Variants in TRPM1 observed in about 807,000 individuals in gnomAD.
TRPM1 encodes transient receptor potential cation channel subfamily M member 1.
Under a neutral mutation model 149.4 loss-of-function variants are expected in TRPM1, and 113 were observed. The ratio of observed to expected loss-of-function variants is 0.76; its 90% CI spans 0.65 to 0.88. The LOEUF (loss-of-function observed/expected upper bound fraction) is 0.88. Ranked by LOEUF, TRPM1 falls within the 40% of genes least tolerant of loss-of-function variation. The probability of loss-of-function intolerance (pLI) is 0.00; values close to 1 mark genes in which losing one functional copy is unlikely to be tolerated. For missense variants in TRPM1, 1,976 were observed against 2,038.7 expected (o/e 0.97, Z 0.59); for synonymous variants, 741 against 759.5 (o/e 0.98, Z 0.40).
intron 1 of TRPM1, among the ~76,000 whole-genome samples, chr15:31,151,206 C>T (rs986453365): frequency 6.6e-6 from 1 of 152,140 alleles, no homozygotes; most frequent in African/African-American, 2.4e-5. Context: ...TGAGAGACTG[C>T]GACATTGTGG....
rs187986563 is a variant in TRPM1 at position 31,054,204 on chromosome 15, T to C, written c.1264-3622A>G. ...AATTGTTAGTCCAAAGTTTTTATGATTCAATATAAATAAATAAATTGCCTT... is the reference window on the plus strand; with the variant it reads ...AATTGTTAGTCCAAAGTTTTTATGACTCAATATAAATAAATAAATTGCCTT... On this transcript the variant is annotated intron_variant, in intron 11 of 27. Coordinates refer to ENST00000256552, the MANE Select transcript of TRPM1 (RefSeq NM_001252024.2). Among the ~76,000 whole-genome samples the C allele has an allele frequency of 3.2e-3, 494 of 152,188 alleles. 4 individuals are homozygous for C. The highest frequency in any genetic ancestry group is 6.2e-3 in the Non-Finnish European group (424 of 67,960).
chr15:31,072,018 T>TATATATATATAGAGAGAGAGAG (rs1400392427), intron 3 of TRPM1, among the ~76,000 whole-genome samples: 3 of 36,908 alleles, frequency 8.1e-5, no homozygotes, highest in African/African-American at 1.1e-4. Context: ...TATATATATA[T>TATATATATATAGAGAGAGAGAG]AGAGAGAGAG....
intron 27 of TRPM1, among the ~76,000 whole-genome samples, chr15:31,024,411 T>C (rs1433883504): frequency 6.6e-6 from 1 of 152,178 alleles, no homozygotes; most frequent in South Asian, 2.1e-4. Context: ...CTCCTCTTTC[T>C]GTCTTGGGCA....
chr15:31,089,901 A>G (rs1045875486), intron 1 of TRPM1, among the ~76,000 whole-genome samples: 2 of 152,214 alleles, frequency 1.3e-5, no homozygotes, highest in Non-Finnish European at 2.9e-5. Flanking sequence ...CACCTGGGGC[A>G]GAGGATCCTG....
intron 1 of TRPM1, among the ~76,000 whole-genome samples, chr15:31,089,552 C>T (rs1011842589): frequency 8.5e-5 from 13 of 152,124 alleles, no homozygotes; most frequent in Admixed American, 7.9e-4. Context: ...GATGGGGGGC[C>T]GAGACAGGCC....
intron 10 of TRPM1, 31 bp from the exon 11 acceptor site, chr15:31,060,675 C>T (rs760105019): frequency 2.3e-5 from 37 of 1,586,238 alleles, no homozygotes; most frequent in Non-Finnish European, 3.1e-5. Context: ...AATGATTTTT[C>T]ACTCCACGCC....
intron 27 of TRPM1, among the ~76,000 whole-genome samples, chr15:31,018,307 T>C (rs1248697333): frequency 6.6e-6 from 1 of 151,654 alleles, no homozygotes; most frequent in Non-Finnish European, 1.5e-5. Flanking sequence ...CGCCTCGGCC[T>C]CCCAAAGTGC....
intron 1 of TRPM1, among the ~76,000 whole-genome samples, chr15:31,136,332 T>C (rs879138072): frequency 6.6e-6 from 1 of 152,218 alleles, no homozygotes; most frequent in Admixed American, 6.5e-5. Flanking sequence ...CCGTGCTTGC[T>C]GTTTGAGCAT....
chr15:31,053,290 G>A (rs1006544796), intron 11 of TRPM1, among the ~76,000 whole-genome samples: 2 of 151,724 alleles, frequency 1.3e-5, no homozygotes, highest in African/African-American at 4.8e-5. Context: ...TGCTCTTGTT[G>A]CCCAGGCTGG....
At chr15:31,066,937 G>T in intron 6 of TRPM1, 126 bp downstream of exon 6, 4 of 1,254,150 alleles carry the variant, frequency 3.2e-6, no homozygotes, top group Non-Finnish European at 4.6e-6. Flanking sequence ...TGTTACCATT[G>T]GAGGAATGGG....
rs114899307 is a variant in TRPM1, at chr15:31,020,093, G to C, written c.3629+6046C>G. Among the ~76,000 whole-genome samples, 486 of 152,328 alleles carry C rather than the reference G, an allele frequency of 3.2e-3. 2 individuals are homozygous for C. Among genetic ancestry groups the C allele is most frequent in the African/African-American group, 0.011 (447 of 41,574 alleles). On this transcript the variant is annotated intron_variant, in intron 27 of 27. Transcript: ENST00000256552. ...TGCTGCCTCATTTAAACATACCCCA[G>C]ACTTCCTGGGTTTATAGAATTCAAG...
chr15:31,133,798 C>T (rs988351923), intron 1 of TRPM1, among the ~76,000 whole-genome samples: 10 of 152,114 alleles, frequency 6.6e-5, no homozygotes, highest in South Asian at 2.1e-4. Flanking sequence ...CCTTGGCTCT[C>T]GAGATGGCAG....
chr15:31,088,888 G>T (rs1458289462), intron 1 of TRPM1, among the ~76,000 whole-genome samples: 2 of 152,012 alleles, frequency 1.3e-5, no homozygotes, highest in Admixed American at 1.3e-4. Context: ...CCCCGAGCGG[G>T]AGATCAGTGT....
intron 1 of TRPM1, among the ~76,000 whole-genome samples, chr15:31,149,613 G>T (rs1223880): frequency 1.3e-5 from 2 of 150,084 alleles, no homozygotes; most frequent in Admixed American, 6.7e-5. Flanking sequence ...TCCGCCTCCC[G>T]GGTTCACGCC....
intron 3 of TRPM1, among the ~76,000 whole-genome samples, chr15:31,071,850 G>A (rs1397342151): frequency 6.6e-6 from 1 of 150,928 alleles, no homozygotes; most frequent in Non-Finnish European, 1.5e-5. Flanking sequence ...TGTAATTCCA[G>A]CTACTTGGGA....
At chr15:31,119,101 C>T (rs2035841453) in intron 1 of TRPM1, among the ~76,000 whole-genome samples, 1 of 151,930 alleles carries the variant, frequency 6.6e-6, no homozygotes, top group South Asian at 2.1e-4. Flanking sequence ...ATTAGCTGGG[C>T]ATGGTGGTGC....
intron 1 of TRPM1, among the ~76,000 whole-genome samples, chr15:31,089,269 A>G (rs1474902844): frequency 2.0e-5 from 3 of 150,034 alleles, no homozygotes; most frequent in African/African-American, 5.1e-5. Flanking sequence ...GAGGGTTGGC[A>G]ATGGTGGGCC....
At chr15:31,069,666 A>G (rs2034477215) in intron 4 of TRPM1, 1 of 1,374,488 alleles carries the variant, frequency 7.3e-7, no homozygotes, top group African/African-American at 1.4e-5. Flanking sequence ...AATATTTCCA[A>G]AGACTCTCAA....
chr15:31,025,639 C>A (rs931804253), intron 27 of TRPM1, among the ~76,000 whole-genome samples: 1 of 152,194 alleles, frequency 6.6e-6, no homozygotes, highest in African/African-American at 2.4e-5. Flanking sequence ...CCTCACCCCC[C>A]ACCCTGCACC....
Sources: gnomAD v4.1 joint callset for allele counts (sites outside exome capture counted in the v4.1 genomes callset) on GRCh38, gnomAD v4.1.1 for gene constraint, MANE v1.5 for transcripts, NCBI Gene and HGNC (gene_info 2026-07-23, HGNC 2026-07-21) for gene names.